MICAL3: variants seen among roughly 807,000 people sequenced by gnomAD.
MICAL3 encodes the protein microtubule associated monooxygenase, calponin and LIM domain containing 3.
Under a neutral mutation model 207.4 loss-of-function variants are expected in MICAL3, and 62 were observed. The ratio of observed to expected loss-of-function variants is 0.30; its 90% confidence interval spans 0.24 to 0.37. The LOEUF is 0.37. Ranked by LOEUF, MICAL3 falls within the 10% of genes least tolerant of loss-of-function variation. The probability of loss-of-function intolerance (pLI) is 1.00; values close to 1 mark genes in which losing one functional copy is unlikely to be tolerated. For missense variants in MICAL3, 2,368 were observed against 2,635.6 expected, an observed-to-expected ratio of 0.90 and a Z score of 2.22; for synonymous variants, 1,077 against 1,069.3, an observed-to-expected ratio of 1.01 and a Z score of -0.14.
chr22:17,829,196 C>T (rs188206465), intron 21 of MICAL3, among the ~76,000 whole-genome samples: 76 of 137,186 alleles, frequency 5.5e-4, no homozygotes, highest in Admixed American at 3.8e-3. Flanking sequence ...GACGAAGTGT[C>T]GCTCTTGTTG....
rs1448967985 is a variant in MICAL3, at chr22:17,887,368, G to T, written c.1959C>A (p.Phe653Leu). The T allele has an allele frequency of 1.2e-6, 2 of 1,614,018 alleles. No individual in the cohort carries two copies. Among genetic ancestry groups the T allele is most frequent in the South Asian group, 2.2e-5 (2 of 91,074 alleles). ...LIASTRSPIS[F>L]LSKLGQTISR... ...AGATGGTCTGGCCAAGTTTGCTTAG[G>T]AAGGAGATAGGGGATCTGGTGCTGG... The change falls in exon 14 of 32, where the codon TTC becomes TTA. Residue 653 changes from phenylalanine to leucine, a missense_variant. Around this residue, in one of 4 missense-constraint regions of MICAL3, gnomAD observed 1,770 missense variants for 1,863.2 expected, o/e 0.95. Coordinates refer to ENST00000441493, the MANE Select transcript of MICAL3 (RefSeq NM_015241.3).
chr22:17,804,189 C>A (rs1459796427), intron 29 of MICAL3, among the ~76,000 whole-genome samples: 1 of 152,208 alleles, frequency 6.6e-6, no homozygotes, highest in African/African-American at 2.4e-5. Flanking sequence ...TTGCTGGGAA[C>A]TCCTGCCCCT....
At chr22:17,827,560 T>A (rs1435676511) in intron 22 of MICAL3, 84 bp downstream of exon 22, 5 of 1,449,720 alleles carry the variant, frequency 3.4e-6, no homozygotes, top group Non-Finnish European at 4.6e-6. Flanking sequence ...GGCTCTGCCC[T>A]GACAGAAAGG....
intron 1 of MICAL3, among the ~76,000 whole-genome samples, chr22:18,013,335 G>A (rs370775645): frequency 2.6e-5 from 4 of 152,314 alleles, no homozygotes; most frequent in South Asian, 2.1e-4. Flanking sequence ...TTTACAATCA[G>A]AAAGCCCTAG....
At chr22:17,828,596 C>G (rs897722699) in intron 21 of MICAL3, among the ~76,000 whole-genome samples, 3 of 152,172 alleles carry the variant, frequency 2.0e-5, no homozygotes, top group African/African-American at 2.4e-5. Context: ...AGGTCAAAGC[C>G]CTCACCTGAG....
intron 3 of MICAL3, among the ~76,000 whole-genome samples, chr22:17,903,612 C>T (rs1931496405): frequency 6.6e-6 from 1 of 152,232 alleles, no homozygotes; most frequent in Non-Finnish European, 1.5e-5. Context: ...TTACCACAGC[C>T]ACCACCCTTC....
chr22:17,886,514 G>C (rs1929883443), intron 15 of MICAL3, among the ~76,000 whole-genome samples: 2 of 151,968 alleles, frequency 1.3e-5, no homozygotes, highest in South Asian at 4.1e-4. Context: ...TAAAAAATTA[G>C]AACAATTTGG....
intron 12 of MICAL3, among the ~76,000 whole-genome samples, chr22:17,889,860 T>C (rs1316884385): frequency 6.6e-6 from 1 of 152,180 alleles, no homozygotes; most frequent in Non-Finnish European, 1.5e-5. Context: ...TTGATCCTTG[T>C]GTATGGCCCA....
intron 20 of MICAL3, among the ~76,000 whole-genome samples, chr22:17,838,691 C>T (rs139070112): frequency 2.0e-5 from 3 of 152,280 alleles, no homozygotes; most frequent in African/African-American, 7.2e-5. Context: ...CGCTGCTGTC[C>T]CCTGCAGCAG....
intron 16 of MICAL3, among the ~76,000 whole-genome samples, chr22:17,882,055 C>T (rs2146210150): frequency 6.6e-6 from 1 of 152,268 alleles, no homozygotes; most frequent in Admixed American, 6.5e-5. Flanking sequence ...ATGCAGGGAG[C>T]CGGGGAGCAG....
intron 17 of MICAL3, among the ~76,000 whole-genome samples, chr22:17,870,263 A>G (rs1054991534): frequency 1.8e-4 from 28 of 152,196 alleles, no homozygotes; most frequent in African/African-American, 6.3e-4. Context: ...CTCAGTCACC[A>G]TACCCTTCTC....
intron 19 of MICAL3, 175 bp from the exon 20 acceptor site, chr22:17,842,192 T>A (rs1435672980): frequency 6.4e-6 from 4 of 627,334 alleles, no homozygotes; most frequent in Non-Finnish European, 1.1e-5. Context: ...GAGAGGGAAT[T>A]TCACTCTGCA....
At chr22:17,879,459 C>T (rs2146204403) in intron 16 of MICAL3, 1 of 1,464,106 alleles carries the variant, frequency 6.8e-7, no homozygotes, top group Non-Finnish European at 9.4e-7. Flanking sequence ...TTTGGACCTA[C>T]TAAACGACAG....
chr22:17,817,990 G>A lies in MICAL3; in HGVS notation c.4671C>T (p.Arg1557=). 6.2e-7 allele frequency: 1 copy of A among 1,612,280 alleles called. No individual in the cohort carries two copies. The part of the protein sequence containing the change: ...PSCWPRPEKP[R]HPPLAKENGR... The stretch of plus-strand genomic sequence containing the variant: ...CGTTCTCCTTGGCCAGGGGCGGGTG[G>A]CGAGGCTTCTCGGGGCGCGGCCAGC... The change falls in exon 26 of 32, where the codon CGC becomes CGT. Residue 1557 remains arginine (R), a synonymous_variant. Transcript: ENST00000441493.
intron 1 of MICAL3, among the ~76,000 whole-genome samples, chr22:17,917,298 C>T (rs1221085087): frequency 6.6e-6 from 1 of 152,176 alleles, no homozygotes; most frequent in Admixed American, 6.5e-5. Flanking sequence ...TGATGCCGCT[C>T]GCCAGAGCCT....
intron 1 of MICAL3, among the ~76,000 whole-genome samples, chr22:17,928,801 CT>C (rs994949217): frequency 3.9e-5 from 6 of 152,120 alleles, no homozygotes; most frequent in African/African-American, 1.2e-4. Context: ...ACCCTTAGAA[CT>C]TTTTTTTCTT....
intron 1 of MICAL3, among the ~76,000 whole-genome samples, chr22:17,989,779 G>A (rs752964924): frequency 2.0e-5 from 3 of 152,228 alleles, no homozygotes; most frequent in South Asian, 2.1e-4. Context: ...GAATGACTCA[G>A]TATCCCCTAA....
At chr22:17,850,189 G>GA (rs768453859) in intron 19 of MICAL3, among the ~76,000 whole-genome samples, 6 of 151,900 alleles carry the variant, frequency 3.9e-5, no homozygotes, top group Non-Finnish European at 8.8e-5. Flanking sequence ...GGCCAAAGAG[G>GA]AAAAAACCCA....
intron 1 of MICAL3, among the ~76,000 whole-genome samples, chr22:17,960,318 G>C (rs994346308): frequency 2.6e-5 from 4 of 152,232 alleles, no homozygotes; most frequent in Non-Finnish European, 4.4e-5. Flanking sequence ...CTGTGTACAT[G>C]CGTGTGCATG....
Sources: allele counts gnomAD v4.1 joint callset (sites outside exome capture counted in the v4.1 genomes callset), GRCh38; gene constraint gnomAD v4.1.1; regional missense constraint gnomAD v4.1.1; transcripts MANE v1.5; gene names NCBI Gene and HGNC (gene_info 2026-07-23, HGNC 2026-07-21).